The following GAA variants were observed in gnomAD, a reference collection of about 807,000 sequenced individuals.
GAA encodes alpha glucosidase.
A neutral mutation model predicts 103.9 loss-of-function variants in GAA; 88 were observed. The ratio of observed to expected loss-of-function variants is 0.85; its 90% CI spans 0.71 to 1.01. GAA has a LOEUF of 1.01. GAA is among the 50% of genes least tolerant of loss of function. The probability of loss-of-function intolerance (pLI) is 0.00; values close to 1 mark genes in which losing one functional copy is unlikely to be tolerated. For missense variants in GAA, 1,350 were observed against 1,305.3 expected (o/e 1.03, Z -0.53); for synonymous variants, 572 against 563.1 (o/e 1.02, Z -0.22).
intron 14 of GAA, 32 bp downstream of exon 14, chr17:80,113,059 C>T (rs544716717): frequency 5.0e-6 from 8 of 1,589,430 alleles, no homozygotes; most frequent in Middle Eastern, 1.7e-4. Flanking sequence ...GGCAGGTGGG[C>T]GATCCCACCC....
Position 80,118,738 on chromosome 17 carries a change from CG to C in GAA, c.2734del (p.Ala912ArgfsTer31). On this transcript the variant is annotated frameshift_variant, in exon 19 of 20. Transcript: ENST00000302262. LOFTEE classifies it high-confidence loss of function. ...AAGGTGACTGTCCTGGGCGTGGCCA[CG>C]GCGCCCCAGCAGGTCCTCTCCAACG... ...LQKVTVLGVA[T>X]APQQVLSNGV... 6.2e-7 allele frequency: 1 copy of C among 1,613,372 alleles called. No homozygotes were observed. Among genetic ancestry groups the C allele is most frequent in the South Asian group, 1.1e-5 (1 of 91,086 alleles).
intron 3 of GAA, 129 bp from the exon 4 acceptor site, chr17:80,107,428 G>C (rs1355970002): frequency 8.3e-7 from 1 of 1,208,242 alleles, no homozygotes; most frequent in Non-Finnish European, 1.2e-6. Flanking sequence ...CCCAGGGTCA[G>C]TGTGCTGCAG....
chr17:80,111,624 T>A, intron 11 of GAA: 1 of 353,396 alleles, frequency 2.8e-6, no homozygotes, highest in African/African-American at 2.1e-5. Flanking sequence ...TTTGGGGGCC[T>A]GAGGCTATAG....
At chr17:80,114,515 C>T (rs1451239334) in intron 15 of GAA, among the ~76,000 whole-genome samples, 1 of 151,202 alleles carries the variant, frequency 6.6e-6, no homozygotes, top group Non-Finnish European at 1.5e-5. Flanking sequence ...CTTTCAATAG[C>T]ATAAAAAAGC....
rs750907936 is a variant in GAA, at chr17:80,113,325, C to A, written c.2148C>A (p.Ala716=). Residue 716 remains alanine, a synonymous_variant, in exon 15 of 20, where the codon GCC becomes GCA. Transcript: ENST00000302262. Reference sequence around the variant, plus strand: ...ACCTCTACACACTGTTCCACCAGGCCCACGTCGCGGGGGAGACCGTGGCCC... The same window carrying A: ...ACCTCTACACACTGTTCCACCAGGCACACGTCGCGGGGGAGACCGTGGCCC... ...LPHLYTLFHQ[A]HVAGETVARP... is the part of the protein sequence containing the mutation. 6.3e-7 allele frequency: 1 copy of A among 1,598,092 alleles called. No individual in the cohort carries two copies.
In GAA at chr17:80,104,983, T is replaced by C. The variant is rs1362516617; in HGVS notation, c.397T>C (p.Tyr133His). The stretch of plus-strand genomic sequence containing the variant: ...GCCCTGGTGCTTCTTCCCACCCAGC[T>C]ACCCCAGCTACAAGCTGGAGAACCT... ...GQPWCFFPPS[Y>H]PSYKLENLSS... is the part of the protein sequence containing the mutation. The change falls in exon 2 of 20, where the codon TAC becomes CAC. Residue 133 changes from tyrosine (Y) to histidine (H), a missense_variant. Transcript: ENST00000302262. The surrounding 1 kb of genome is among the most constrained non-coding windows in gnomAD (Gnocchi z 4.0). 1 of 1,612,844 alleles carries C rather than the reference T, an allele frequency of 6.2e-7. No homozygotes were observed. Among genetic ancestry groups the C allele is most frequent in the East Asian group, 2.2e-5 (1 of 44,870 alleles).
chr17:80,112,562 TCCC>T lies in GAA; in HGVS notation c.1755-13_1755-11del. 6.2e-7 allele frequency: 1 copy of T among 1,612,786 alleles called. No individual in the cohort carries two copies. The highest frequency in any genetic ancestry group is 1.1e-5 in the South Asian group (1 of 91,022). ...CCCGCTCCACACAGCCCTCACGGTG[TCCC>T]CCACCACCCCAGGGCGCTGGTGAAG... is the stretch of plus-strand genomic sequence containing the variant. On this transcript the variant is annotated splice_polypyrimidine_tract_variant and intron_variant, in intron 12 of 19. Coordinates refer to ENST00000302262, the MANE Select transcript of GAA (RefSeq NM_000152.5).
In GAA at chr17:80,113,364, G is replaced by A. The variant is rs763519139; in HGVS notation, c.2187G>A (p.Leu729=). ...AGACCGTGGCCCGGCCCCTCTTCCT[G>A]GAGTGAGTGACCTAGGCAGGGGCGG... ...AGETVARPLF[L]EFPKDSSTWT... The change falls in exon 15 of 20, where the codon CTG becomes CTA. Residue 729 remains leucine, a splice_region_variant and synonymous_variant. Transcript: ENST00000302262. 1.9e-6 allele frequency: 3 copies of A among 1,575,034 alleles called. No homozygotes were observed. Among genetic ancestry groups the A allele is most frequent in the Non-Finnish European group, 1.7e-6 (2 of 1,158,428 alleles).
In GAA at chr17:80,119,622, T is replaced by G. The variant is rs2039439842; in HGVS notation, c.*291T>G. On this transcript the variant is annotated 3_prime_UTR_variant, in exon 20 of 20. Transcript: ENST00000302262. ...TTGCCCTCCTCACCTGTTGCCGGCA[T>G]GCGGGTAGTATTAGCCACCCCCCTC... is the stretch of plus-strand genomic sequence containing the variant. The G allele has an allele frequency of 2.4e-6, 1 of 422,566 alleles. No homozygotes were observed. The highest frequency in any genetic ancestry group is 2.0e-5 in the African/African-American group (1 of 48,946). The allele number at this position is 422,566 out of a possible 1,614,324, so 26.2% of individuals were successfully genotyped here.
chr17:80,118,470 T>C, intron 18 of GAA, 113 bp downstream of exon 18: 1 of 1,455,094 alleles, frequency 6.9e-7, no homozygotes, highest in Non-Finnish European at 9.5e-7. Context: ...TAGGACACTC[T>C]AGCAGGTGGC....
In GAA at chr17:80,119,870, A is replaced by G. The variant is rs2039445341; in HGVS notation, c.*539A>G. ...TGCAATTATTTTTAATAAAAGGGGC[A>G]TTTGGAATCAGCTTCTGCGGGTCTC... On this transcript the variant is annotated 3_prime_UTR_variant, in exon 20 of 20. Coordinates refer to ENST00000302262, the MANE Select transcript of GAA (RefSeq NM_000152.5). 1 of 177,798 alleles carries G rather than the reference A, an allele frequency of 5.6e-6. No individual in the cohort carries two copies. Among genetic ancestry groups the G allele is most frequent in the Non-Finnish European group, 1.2e-5 (1 of 82,318 alleles). 11.0% of individuals were successfully genotyped at this position (177,798 alleles called of 1,614,324 possible).
intron 16 of GAA, 110 bp downstream of exon 16, chr17:80,117,219 G>A: frequency 8.3e-7 from 1 of 1,209,882 alleles, no homozygotes; most frequent in Admixed American, 1.8e-5. Context: ...GAACGTATGT[G>A]TTGAGTCCCG....
In GAA at chr17:80,112,999, T is replaced by C. The variant is rs398123170; in HGVS notation, c.2012T>C (p.Met671Thr). 16 of 1,610,884 alleles carry C rather than the reference T, an allele frequency of 9.9e-6. No homozygotes were observed. The South Asian group carries it at 1.8e-4, about 18-fold the overall frequency. Residue 671 changes from methionine to threonine, a missense_variant, in exon 14 of 20, where the codon ATG becomes ACG. Transcript: ENST00000302262. Reference protein sequence around the residue: ...WTQLGAFYPFMRNHNSLLSLP... With the variant: ...WTQLGAFYPFTRNHNSLLSLP... ...CAGCTGGGGGCCTTCTACCCCTTCA[T>C]GCGGAACCACAACAGCCTGCTCAGT... is the stretch of plus-strand genomic sequence containing the variant.
intron 8 of GAA, 96 bp downstream of exon 8, chr17:80,108,924 G>A (rs1021857269): frequency 1.7e-5 from 24 of 1,407,254 alleles, no homozygotes; most frequent in African/African-American, 7.2e-5. Flanking sequence ...CTGTGTGGTC[G>A]CCGAGGATGT....
At chr17:80,114,986 T>G (rs1053617825) in intron 15 of GAA, among the ~76,000 whole-genome samples, 4 of 152,200 alleles carry the variant, frequency 2.6e-5, no homozygotes, top group Non-Finnish European at 5.9e-5. Context: ...GCTGAGTAGC[T>G]TCTGTCTTGC....
At chr17:80,103,958 C>T (rs1185050299) in intron 1 of GAA, among the ~76,000 whole-genome samples, 1 of 152,270 alleles carries the variant, frequency 6.6e-6, no homozygotes, top group East Asian at 1.9e-4. Flanking sequence ...TGGACCAAGC[C>T]GCACCTTTAT....
At position 80,105,796 on chromosome 17, in the gene GAA, G is replaced by A. The variant is rs1426823689; in HGVS notation, c.594G>A (p.Pro198=). The change falls in exon 3 of 20, where the codon CCG becomes CCA. Residue 198 remains proline, a synonymous_variant. Transcript: ENST00000302262. ...GCTACGAGGTGCCCTTGGAGACCCC[G>A]CATGTCCACAGCCGGGCACCGTCCC... is the stretch of plus-strand genomic sequence containing the variant. The part of the protein sequence containing the change: ...NRRYEVPLET[P]HVHSRAPSPL... The A allele has an allele frequency of 5.0e-6, 8 of 1,611,950 alleles. No homozygotes were observed. The highest frequency in any genetic ancestry group is 1.7e-5 in the Admixed American group (1 of 59,996).
rs886042086 is a variant in GAA, at chr17:80,107,717, C to T, written c.853C>T (p.Pro285Ser). ...CACCCTGTGGAACCGGGACCTTGCG[C>T]CCACGGTACAGCGGCGGGCGGCGGG... ...RITLWNRDLA[P>S]TPGANLYGSH... Residue 285 changes from proline to serine, a missense_variant, in exon 4 of 20, where the codon CCC becomes TCC. By Grantham distance (74) the Pro-to-Ser change is moderately conservative. Coordinates refer to ENST00000302262, the MANE Select transcript of GAA (RefSeq NM_000152.5). 6.5e-6 allele frequency: 10 copies of T among 1,544,010 alleles called. No individual in the cohort carries two copies. In the African/African-American group the frequency reaches 1.4e-4, roughly 22 times the overall value.
chr17:80,107,875 C>T lies in GAA; in HGVS notation c.934C>T (p.Leu312=). The T allele has an allele frequency of 6.2e-7, 1 of 1,611,178 alleles. No homozygotes were observed. The highest frequency in any genetic ancestry group is 1.3e-5 in the African/African-American group (1 of 75,016). The change falls in exon 5 of 20, where the codon CTG becomes TTG. Residue 312 remains leucine (L), a synonymous_variant. Coordinates refer to ENST00000302262, the MANE Select transcript of GAA (RefSeq NM_000152.5). ...EDGGSAHGVF[L]LNSNAMDVVL... is the part of the protein sequence containing the mutation. ...CGGCGGGTCGGCACACGGGGTGTTCCTGCTAAACAGCAATGCCATGGGTAA... is the reference window on the plus strand; with the variant it reads ...CGGCGGGTCGGCACACGGGGTGTTCTTGCTAAACAGCAATGCCATGGGTAA...
Sources: allele counts gnomAD v4.1 joint callset (sites outside exome capture counted in the v4.1 genomes callset), GRCh38; gene constraint gnomAD v4.1.1; non-coding constraint Gnocchi (gnomAD v3.1); transcripts MANE v1.5; gene names NCBI Gene and HGNC (gene_info 2026-07-23, HGNC 2026-07-21).